Variants in ARHGAP10 observed in about 807,000 individuals in gnomAD.
The protein encoded by ARHGAP10 is rho GTPase-activating protein 10.
Under a neutral mutation model 108.6 loss-of-function variants are expected in ARHGAP10, and 87 were observed. The observed-to-expected ratio is 0.80, with a 90% CI of 0.67 to 0.96. ARHGAP10 has a LOEUF of 0.96. Ranked by LOEUF, ARHGAP10 falls within the 40% of genes least tolerant of loss-of-function variation. The pLI is 0.00. For synonymous variants in ARHGAP10, 347 were observed against 341.1 expected (o/e 1.02, Z -0.19); for missense variants, 939 against 954.5 (o/e 0.98, Z 0.21).
At chr4:147,852,976 C>A (rs951112230) in intron 4 of ARHGAP10, among the ~76,000 whole-genome samples, 11 of 152,096 alleles carry the variant, frequency 7.2e-5, no homozygotes, top group African/African-American at 2.4e-4. Context: ...CTTCTCAATA[C>A]CACAACACTT....
intron 3 of ARHGAP10, among the ~76,000 whole-genome samples, chr4:147,845,207 G>A (rs559067518): frequency 6.6e-6 from 1 of 152,328 alleles, no homozygotes; most frequent in East Asian, 1.9e-4. Flanking sequence ...CTTTGAAGAA[G>A]CTCTCTTTGC....
chr4:147,757,354 C>T (rs2126700419), intron 1 of ARHGAP10, among the ~76,000 whole-genome samples: 1 of 152,248 alleles, frequency 6.6e-6, no homozygotes, highest in African/African-American at 2.4e-5. Context: ...CCGCCATGCC[C>T]AGCTAATTTC....
intron 14 of ARHGAP10, 92 bp downstream of exon 14, chr4:147,939,991 T>A: frequency 1.6e-6 from 2 of 1,214,922 alleles, no homozygotes; most frequent in Non-Finnish European, 2.4e-6. Context: ...TAGAGAATAC[T>A]TGTCATTCCA....
chr4:147,894,386 T>C (rs968663500), intron 10 of ARHGAP10, among the ~76,000 whole-genome samples: 1 of 152,342 alleles, frequency 6.6e-6, no homozygotes, highest in Admixed American at 6.5e-5. Flanking sequence ...TAAAATCTCC[T>C]GCCCATTTAA....
chr4:147,849,626 ATGT>A (rs1371501592), intron 4 of ARHGAP10, among the ~76,000 whole-genome samples: 1 of 152,172 alleles, frequency 6.6e-6, no homozygotes, highest in Non-Finnish European at 1.5e-5. Flanking sequence ...CCATCTGATA[ATGT>A]TGTAGCCCTT....
At position 147,886,517 on chromosome 4, in the gene ARHGAP10, C is replaced by T. The variant is rs535427377; in HGVS notation, c.1034+4585C>T. On this transcript the variant is annotated intron_variant, in intron 10 of 22. Transcript: ENST00000336498. ...GCCCTACAGTCTGTTGTTCGTCGTG[C>T]ACTCACTTTCTTCCTTAACTAGTTG... Among the ~76,000 whole-genome samples the T allele has an allele frequency of 3.3e-5, 5 of 152,324 alleles. No homozygotes were observed. The South Asian group carries it at 6.2e-4, about 19-fold the overall frequency.
chr4:148,067,716 AACAAACTG>A (rs1729958368), intron 22 of ARHGAP10, among the ~76,000 whole-genome samples: 1 of 152,222 alleles, frequency 6.6e-6, no homozygotes, highest in Non-Finnish European at 1.5e-5. Flanking sequence ...CTTTGGAGAA[AACAAACTG>A]GAGGTCAGAG....
intron 3 of ARHGAP10, among the ~76,000 whole-genome samples, chr4:147,842,461 C>A (rs1733454900): frequency 6.6e-6 from 1 of 152,090 alleles, no homozygotes; most frequent in South Asian, 2.1e-4. Context: ...TTATAACCTA[C>A]CTCTACTTTC....
At chr4:147,767,775 C>A (rs938295983) in intron 1 of ARHGAP10, among the ~76,000 whole-genome samples, 8 of 152,098 alleles carry the variant, frequency 5.3e-5, no homozygotes, top group Non-Finnish European at 1.0e-4. Flanking sequence ...GGCTTTTGTC[C>A]AACTGGAGTC....
chr4:147,910,114 C>T (rs1471793080), intron 12 of ARHGAP10, among the ~76,000 whole-genome samples: 1 of 151,820 alleles, frequency 6.6e-6, no homozygotes, highest in Non-Finnish European at 1.5e-5. Context: ...CTCAAGTGAT[C>T]CTCCCACTTC....
intron 3 of ARHGAP10, among the ~76,000 whole-genome samples, chr4:147,830,649 A>T (rs1396342497): frequency 6.6e-6 from 1 of 151,274 alleles, no homozygotes; most frequent in Non-Finnish European, 1.5e-5. Context: ...CCTCTTGAGC[A>T]GCTGGGACTA....
intron 20 of ARHGAP10, among the ~76,000 whole-genome samples, chr4:148,052,356 AG>A (rs1362592424): frequency 3.4e-5 from 5 of 147,878 alleles, no homozygotes; most frequent in East Asian, 2.0e-4. Context: ...AAAAAAAAAA[AG>A]ATTTATCTTT....
intron 3 of ARHGAP10, among the ~76,000 whole-genome samples, chr4:147,845,577 A>G (rs530734528): frequency 6.6e-6 from 1 of 152,290 alleles, no homozygotes; most frequent in South Asian, 2.1e-4. Flanking sequence ...TGGAATCCCT[A>G]TTCCTATCTT....
intron 16 of ARHGAP10, among the ~76,000 whole-genome samples, chr4:147,959,491 A>T (rs1005639554): frequency 6.6e-5 from 10 of 152,182 alleles, no homozygotes; most frequent in Non-Finnish European, 1.5e-4. Context: ...TACATTAGGT[A>T]TATCTCCTAA....
In ARHGAP10 at chr4:147,749,810, G is replaced by C. The variant is rs942118113; in HGVS notation, c.154+17355G>C. On this transcript the variant is annotated intron_variant, in intron 1 of 22. Coordinates refer to ENST00000336498, the MANE Select transcript of ARHGAP10 (RefSeq NM_024605.4). ...ACTGAGACGGTCAAACTAAATATTT[G>C]TTATGTAAACTCTGAAATCTTTTAG... Among the ~76,000 whole-genome samples, 5 of 152,146 alleles carry C rather than the reference G, an allele frequency of 3.3e-5. No homozygotes were observed. The East Asian group carries it at 9.6e-4, about 29-fold the overall frequency.
intron 1 of ARHGAP10, among the ~76,000 whole-genome samples, chr4:147,742,780 C>T (rs1010019232): frequency 2.0e-5 from 3 of 152,110 alleles, no homozygotes; most frequent in African/African-American, 7.2e-5. Context: ...CCACTGTGCC[C>T]AGCGCATGTT....
intron 1 of ARHGAP10, among the ~76,000 whole-genome samples, chr4:147,800,284 T>C (rs963276047): frequency 5.3e-5 from 8 of 152,220 alleles, no homozygotes; most frequent in African/African-American, 7.2e-5. Flanking sequence ...CAGACACTTG[T>C]TGAGATGGAA....
chr4:147,791,097 T>C (rs1731099902), intron 1 of ARHGAP10, among the ~76,000 whole-genome samples: 1 of 151,552 alleles, frequency 6.6e-6, no homozygotes. Context: ...AACAGCAAAC[T>C]GTACATATTC....
chr4:147,952,451 G>C (rs2262882), intron 15 of ARHGAP10, among the ~76,000 whole-genome samples: 150,495 of 152,300 alleles, frequency 0.99, 74,372 homozygotes, highest in East Asian at 1. Flanking sequence ...TTTAGCCATC[G>C]TAATAGGTAT....
Sources: allele counts gnomAD v4.1 joint callset (sites outside exome capture counted in the v4.1 genomes callset), GRCh38; gene constraint gnomAD v4.1.1; transcripts MANE v1.5; gene names NCBI Gene and HGNC (gene_info 2026-07-23, HGNC 2026-07-21).